TCTN2: variants seen among roughly 807,000 people sequenced by gnomAD.
The protein encoded by TCTN2 is tectonic-2.
In TCTN2, 66 loss-of-function variants were observed where a neutral mutation model predicts 83.4. The observed-to-expected ratio is 0.79, with a 90% CI of 0.65 to 0.97. The LOEUF is 0.97. TCTN2 is among the 50% of genes least tolerant of loss of function. TCTN2 has a pLI of 0.00. For missense variants in TCTN2, 794 were observed against 858.1 expected, an observed-to-expected ratio of 0.93 and a Z score of 0.93; for synonymous variants, 301 against 326.7, an observed-to-expected ratio of 0.92 and a Z score of 0.85.
At chr12:123,677,638 T>C (rs932747964) in intron 4 of TCTN2, among the ~76,000 whole-genome samples, 6 of 152,084 alleles carry the variant, frequency 3.9e-5, no homozygotes, top group African/African-American at 1.2e-4. Flanking sequence ...CCTGCCAATG[T>C]TTACCTTTTT....
intron 13 of TCTN2, among the ~76,000 whole-genome samples, chr12:123,697,861 T>C (rs1307841947): frequency 7.9e-6 from 1 of 126,418 alleles, no homozygotes; most frequent in Non-Finnish European, 1.6e-5. Context: ...GGTGATTAAC[T>C]TTTTTTTTTT....
intron 14 of TCTN2, among the ~76,000 whole-genome samples, chr12:123,701,636 G>A (rs1311318938): frequency 1.3e-5 from 2 of 151,854 alleles, no homozygotes; most frequent in Admixed American, 6.6e-5. Flanking sequence ...CCAGCTACTC[G>A]GGAGGCTGAG....
At position 123,695,240 on chromosome 12, in the gene TCTN2, G is replaced by A; in HGVS notation, c.1255G>A (p.Val419Ile). The change falls in exon 11 of 18, where the codon GTA (valine) becomes ATA (isoleucine). Residue 419 changes from valine (V) to isoleucine (I), a missense_variant. Transcript: ENST00000303372. The part of the protein sequence containing the change: ...HQKGIMTQRF[V>I]VKFLSYNSGN... ...TCTAGGGATAATGACACAGAGATTT[G>A]TAGTAAAATTTTTAAGCTATAATAG... The A allele has an allele frequency of 6.3e-7, 1 of 1,580,600 alleles. No individual in the cohort carries two copies. Among genetic ancestry groups the A allele is most frequent in the Non-Finnish European group, 8.7e-7 (1 of 1,149,904 alleles).
At chr12:123,707,563 T>C in intron 17 of TCTN2, 41 bp from the exon 18 acceptor site, 1 of 1,565,368 alleles carries the variant, frequency 6.4e-7, no homozygotes, top group Non-Finnish European at 8.8e-7. Flanking sequence ...ATCAAAAGAG[T>C]TAAGAAATAC....
At chr12:123,671,720 G>A in intron 2 of TCTN2, 106 bp downstream of exon 2, 1 of 946,012 alleles carries the variant, frequency 1.1e-6, no homozygotes, top group South Asian at 1.4e-5. Context: ...TCTGTTCTCT[G>A]CAAAGTCGCA....
intron 14 of TCTN2, chr12:123,700,015 TG>T (rs768092286): frequency 1.6e-6 from 1 of 627,708 alleles, no homozygotes; most frequent in Non-Finnish European, 2.8e-6. Context: ...TTTGATTTTC[TG>T]TTTTTGTTTT....
chr12:123,687,639 G>A (rs1010492087), intron 6 of TCTN2, among the ~76,000 whole-genome samples: 15 of 150,240 alleles, frequency 1.0e-4, no homozygotes, highest in Admixed American at 1.3e-4. Flanking sequence ...GCGACAGAGC[G>A]AGACTCTGGC....
At chr12:123,676,184 G>T (rs1161083755) in intron 4 of TCTN2, among the ~76,000 whole-genome samples, 3 of 152,152 alleles carry the variant, frequency 2.0e-5, no homozygotes, top group Admixed American at 6.6e-5. Context: ...GGAGGCTGAG[G>T]TCGGGGGATC....
intron 9 of TCTN2, 81 bp downstream of exon 9, chr12:123,692,804 T>A: frequency 2.7e-6 from 3 of 1,118,824 alleles, no homozygotes; most frequent in Non-Finnish European, 4.1e-6. Context: ...CCTCAGAGTG[T>A]ATATTTTTGT....
chr12:123,684,328 TA>T (rs1955936693), intron 5 of TCTN2, among the ~76,000 whole-genome samples: 1 of 152,066 alleles, frequency 6.6e-6, no homozygotes, highest in African/African-American at 2.4e-5. Flanking sequence ...AGCAAATTTT[TA>T]AGTGTCCTAT....
chr12:123,701,893 A>C (rs1956177520), intron 14 of TCTN2, among the ~76,000 whole-genome samples: 1 of 152,156 alleles, frequency 6.6e-6, no homozygotes, highest in South Asian at 2.1e-4. Flanking sequence ...AAGATATACC[A>C]CATGTACATG....
chr12:123,676,077 A>C lies in TCTN2; in HGVS notation c.463+2267A>C, dbSNP rs139868049. ...GTGGGCCACTTGAGCCTAGGAGTTCAAGACCAGCCTGGGCAACATGGCAAA... is the reference window on the plus strand; with the variant it reads ...GTGGGCCACTTGAGCCTAGGAGTTCCAGACCAGCCTGGGCAACATGGCAAA... On this transcript the variant is annotated intron_variant, in intron 4 of 17. Coordinates refer to ENST00000303372, the MANE Select transcript of TCTN2 (RefSeq NM_024809.5). Among the ~76,000 whole-genome samples, 531 of 152,074 alleles carry C rather than the reference A, an allele frequency of 3.5e-3. 5 individuals carry two copies. The highest frequency in any genetic ancestry group is 0.012 in the African/African-American group (495 of 41,462).
At position 123,707,648 on chromosome 12, in the gene TCTN2, T is replaced by G. The variant is rs1271806468; in HGVS notation, c.2029T>G (p.Leu677Val). 5 of 1,614,204 alleles carry G rather than the reference T, an allele frequency of 3.1e-6. No individual in the cohort carries two copies. The highest frequency in any genetic ancestry group is 4.2e-6 in the Non-Finnish European group (5 of 1,180,044). Reference sequence around the variant, plus strand: ...TGTTGCTAAGGGCTTACTGTTGCTGTTGTTCCTCACATTGGCCTTGTTCCT... The same window carrying G: ...TGTTGCTAAGGGCTTACTGTTGCTGGTGTTCCTCACATTGGCCTTGTTCCT... Reference protein sequence around the residue: ...QCVAKGLLLLLFLTLALFLSN... With the variant: ...QCVAKGLLLLVFLTLALFLSN... Residue 677 changes from leucine to valine, a missense_variant, in exon 18 of 18, where the codon TTG becomes GTG. Coordinates refer to ENST00000303372, the MANE Select transcript of TCTN2 (RefSeq NM_024809.5).
intron 5 of TCTN2, among the ~76,000 whole-genome samples, chr12:123,680,389 T>G (rs534087912): frequency 7.3e-6 from 1 of 137,732 alleles, no homozygotes; most frequent in Non-Finnish European, 1.5e-5. Context: ...TTTGAGTAAA[T>G]TTTTTTTTTT....
chr12:123,678,246 T>G (rs989515650), intron 4 of TCTN2, among the ~76,000 whole-genome samples: 1 of 152,184 alleles, frequency 6.6e-6, no homozygotes, highest in African/African-American at 2.4e-5. Context: ...ACTGGACAGT[T>G]GAAAGGGGAT....
chr12:123,680,719 G>A (rs1022362578), intron 5 of TCTN2, among the ~76,000 whole-genome samples: 1 of 151,078 alleles, frequency 6.6e-6, no homozygotes, highest in Non-Finnish European at 1.5e-5. Context: ...GTTTCACCAT[G>A]TTGGCCAGGC....
chr12:123,696,607 TTAG>T, intron 12 of TCTN2, 112 bp downstream of exon 12: 1 of 991,718 alleles, frequency 1.0e-6, no homozygotes, highest in Non-Finnish European at 1.6e-6. Flanking sequence ...GTTGGTTTAT[TTAG>T]CAGAGAGGTA....
chr12:123,674,313 C>T (rs1254822544), intron 4 of TCTN2, among the ~76,000 whole-genome samples: 2 of 151,986 alleles, frequency 1.3e-5, no homozygotes, highest in Non-Finnish European at 2.9e-5. Flanking sequence ...AGTCTGTCAC[C>T]AGGCTGGAGT....
At chr12:123,686,207 C>T (rs919533739) in intron 5 of TCTN2, among the ~76,000 whole-genome samples, 23 of 151,906 alleles carry the variant, frequency 1.5e-4, no homozygotes, top group African/African-American at 3.6e-4. Flanking sequence ...CCACCACACC[C>T]GGCTAATTTT....
Sources: gnomAD v4.1 joint callset for allele counts (sites outside exome capture counted in the v4.1 genomes callset) on GRCh38, gnomAD v4.1.1 for gene constraint, MANE v1.5 for transcripts, NCBI Gene and HGNC (gene_info 2026-07-23, HGNC 2026-07-21) for gene names.